Variants in SLC9A4 observed in about 807,000 individuals in gnomAD.
The protein encoded by SLC9A4 is solute carrier family 9 member A4.
SLC9A4 carries 63 observed loss-of-function variants against 67.4 expected under a neutral mutation model. The observed-to-expected ratio is 0.93, with a 90% confidence interval of 0.76 to 1.15. The LOEUF (loss-of-function observed/expected upper bound fraction) is 1.15. Ranked by LOEUF, SLC9A4 falls within the 50% of genes most tolerant of loss-of-function variation. The pLI is 0.00. For synonymous variants in SLC9A4, 393 were observed against 367.2 expected (o/e 1.07, Z -0.80); for missense variants, 1,089 against 987.7 (o/e 1.10, Z -1.38).
chr2:102,531,207 T>C (rs1188564548), intron 11 of SLC9A4, among the ~76,000 whole-genome samples: 1 of 151,708 alleles, frequency 6.6e-6, no homozygotes, highest in Non-Finnish European at 1.5e-5. Flanking sequence ...GGACTACAGG[T>C]GCCCACCACC....
intron 1 of SLC9A4, among the ~76,000 whole-genome samples, chr2:102,476,432 G>A (rs1372235795): frequency 6.6e-6 from 1 of 152,212 alleles, no homozygotes; most frequent in East Asian, 1.9e-4. Context: ...AAGGCATGTA[G>A]CATTTCCCTT....
intron 11 of SLC9A4, among the ~76,000 whole-genome samples, chr2:102,527,186 A>ATACC (rs1410789216): frequency 6.6e-6 from 1 of 152,226 alleles, no homozygotes; most frequent in African/African-American, 2.4e-5. Flanking sequence ...TATGATCACC[A>ATACC]TAGAATGTTT....
chr2:102,506,607 A>G (rs752229571), intron 4 of SLC9A4, among the ~76,000 whole-genome samples: 3 of 152,198 alleles, frequency 2.0e-5, no homozygotes, highest in Non-Finnish European at 4.4e-5. Flanking sequence ...CAGACATGTA[A>G]CTACTCAAAA....
chr2:102,475,847 AATG>A (rs1558657358), intron 1 of SLC9A4, among the ~76,000 whole-genome samples: 1 of 152,330 alleles, frequency 6.6e-6, no homozygotes, highest in South Asian at 2.1e-4. Flanking sequence ...CCAAAATAAT[AATG>A]ATGATGATGA....
intron 9 of SLC9A4, among the ~76,000 whole-genome samples, chr2:102,521,244 G>T (rs1223912223): frequency 6.6e-6 from 1 of 152,200 alleles, no homozygotes; most frequent in Non-Finnish European, 1.5e-5. Flanking sequence ...CTCTAATCCA[G>T]TCTCAAATAA....
intron 7 of SLC9A4, 91 bp downstream of exon 7, chr2:102,512,364 G>T: frequency 7.1e-7 from 1 of 1,416,132 alleles, no homozygotes; most frequent in South Asian, 1.2e-5. Context: ...AGGGAATGGA[G>T]ACCAAGAAGA....
chr2:102,491,403 G>A (rs1290787149), intron 2 of SLC9A4, among the ~76,000 whole-genome samples: 1 of 135,654 alleles, frequency 7.4e-6, no homozygotes, highest in African/African-American at 2.7e-5. Context: ...AGAAAAAGAG[G>A]TTTCATGGAC....
At chr2:102,507,310 A>C (rs1206939457) in intron 4 of SLC9A4, among the ~76,000 whole-genome samples, 2 of 152,186 alleles carry the variant, frequency 1.3e-5, no homozygotes, top group Non-Finnish European at 2.9e-5. Context: ...GGATGTGGAG[A>C]GTTTTATTCT....
At chr2:102,516,273 G>A (rs1483218393) in intron 8 of SLC9A4, among the ~76,000 whole-genome samples, 2 of 151,554 alleles carry the variant, frequency 1.3e-5, no homozygotes, top group African/African-American at 2.4e-5. Flanking sequence ...TTTTTTCCTC[G>A]TACACCCCAA....
intron 2 of SLC9A4, among the ~76,000 whole-genome samples, chr2:102,496,336 A>G (rs141038760): frequency 6.6e-6 from 1 of 152,300 alleles, no homozygotes; most frequent in Non-Finnish European, 1.5e-5. Flanking sequence ...CATCCATTCA[A>G]ATGACTAGAA....
rs768380894 is a variant in SLC9A4 at position 102,532,470 on chromosome 2, T to C, written c.2179T>C (p.Tyr727His). The C allele has an allele frequency of 6.2e-7, 1 of 1,614,172 alleles. No homozygotes were observed. The highest frequency in any genetic ancestry group is 1.6e-4 in the Middle Eastern group (1 of 6,062). Reference protein sequence around the residue: ...HRGRKAFSFGYQRNTSQEEYL... With the variant: ...HRGRKAFSFGHQRNTSQEEYL... ...AGGAAGGAAGGCATTCAGCTTTGGTTATCAAAGAAACACAAGCCAAGAAGA... is the reference window on the plus strand; with the variant it reads ...AGGAAGGAAGGCATTCAGCTTTGGTCATCAAAGAAACACAAGCCAAGAAGA... Residue 727 changes from tyrosine (Y) to histidine (H), a missense_variant, in exon 12 of 12, where the codon TAT becomes CAT. By Grantham distance (83) the Tyr-to-His change is moderately conservative. Coordinates refer to ENST00000295269, the MANE Select transcript of SLC9A4 (RefSeq NM_001011552.4).
chr2:102,489,487 C>T (rs1175732912), intron 2 of SLC9A4, among the ~76,000 whole-genome samples: 1 of 152,134 alleles, frequency 6.6e-6, no homozygotes, highest in Admixed American at 6.5e-5. Flanking sequence ...CTATGGCAAT[C>T]CTCCATCTTT....
chr2:102,504,849 T>C (rs778911688), intron 3 of SLC9A4, among the ~76,000 whole-genome samples: 1 of 152,228 alleles, frequency 6.6e-6, no homozygotes, highest in African/African-American at 2.4e-5. Flanking sequence ...TTTGATCATT[T>C]ATGGTTGGAT....
intron 11 of SLC9A4, among the ~76,000 whole-genome samples, chr2:102,526,629 CA>C (rs1674671590): frequency 6.6e-6 from 1 of 152,064 alleles, no homozygotes; most frequent in African/African-American, 2.4e-5. Flanking sequence ...ATGCCATACA[CA>C]AAGAGGAAGT....
chr2:102,524,988 A>C (rs2015478), intron 9 of SLC9A4, 36 bp from the exon 10 acceptor site: 1 of 1,610,474 alleles, frequency 6.2e-7, no homozygotes, highest in Non-Finnish European at 8.5e-7. Flanking sequence ...TGTATGGAGG[A>C]GTCCTTACGT....
chr2:102,516,285 C>CAGTT (rs1287940747), intron 8 of SLC9A4, among the ~76,000 whole-genome samples: 1 of 152,086 alleles, frequency 6.6e-6, no homozygotes, highest in Non-Finnish European at 1.5e-5. Context: ...ACACCCCAAG[C>CAGTT]AGTTAGTTAA....
chr2:102,498,130 C>T (rs1230390334), intron 2 of SLC9A4, among the ~76,000 whole-genome samples: 1 of 152,166 alleles, frequency 6.6e-6, no homozygotes, highest in African/African-American at 2.4e-5. Flanking sequence ...CTGAGCTTTT[C>T]CCTTCAGTGT....
intron 4 of SLC9A4, among the ~76,000 whole-genome samples, chr2:102,506,733 T>C (rs942723096): frequency 1.3e-5 from 2 of 152,062 alleles, no homozygotes; most frequent in East Asian, 1.9e-4. Context: ...CCAAGAGAAG[T>C]AAAATTACAG....
intron 6 of SLC9A4, 27 bp from the exon 7 acceptor site, chr2:102,512,176 A>T: frequency 3.1e-6 from 5 of 1,613,742 alleles, no homozygotes; most frequent in Non-Finnish European, 4.2e-6. Flanking sequence ...TTTCTCCAGC[A>T]ATCATTTTCT....
Sources: allele counts gnomAD v4.1 joint callset (sites outside exome capture counted in the v4.1 genomes callset), GRCh38; gene constraint gnomAD v4.1.1; transcripts MANE v1.5; gene names NCBI Gene and HGNC (gene_info 2026-07-23, HGNC 2026-07-21).